The following LARP1B variants were observed in gnomAD, a reference collection of about 807,000 sequenced individuals.
LARP1B encodes the protein la-related protein 1B.
In LARP1B, 76 loss-of-function variants were observed where a neutral mutation model predicts 114.2. The observed-to-expected ratio is 0.67, with a 90% CI of 0.55 to 0.81. The LOEUF is 0.81. Ranked by LOEUF, LARP1B falls within the 30% of genes least tolerant of loss-of-function variation. The pLI is 0.00. For missense variants in LARP1B, 1,014 were observed against 1,075.8 expected (o/e 0.94, Z 0.80); for synonymous variants, 345 against 348.0 (o/e 0.99, Z 0.10).
chr4:128,108,665 T>C (rs1782918348), intron 9 of LARP1B: 1 of 984,468 alleles, frequency 1.0e-6, no homozygotes, highest in Non-Finnish European at 1.2e-6. Context: ...GTTTTTAATT[T>C]ATTTTTTGTT....
chr4:128,216,821 A>T (rs1759521909), downstream of LARP1B, among the ~76,000 whole-genome samples: 1 of 152,228 alleles, frequency 6.6e-6, no homozygotes, highest in Non-Finnish European at 1.5e-5. Flanking sequence ...AAATAGAGAC[A>T]CAAAAAACCC....
chr4:128,213,696 G>A (rs1021611333), downstream of LARP1B, among the ~76,000 whole-genome samples: 2 of 152,094 alleles, frequency 1.3e-5, no homozygotes, highest in African/African-American at 4.8e-5. Flanking sequence ...TATCAAAAAA[G>A]GCAATGCTAA....
rs11311661 is a variant in LARP1B at position 128,095,489 on chromosome 4, CAAAAAAAAAAAA to C, written c.669-2686_669-2675del. The stretch of plus-strand genomic sequence containing the variant: ...GGGCAATAAGAGTGAAACTCCATCT[CAAAAAAAAAAAA>C]AAAAAAAAAAGTAAATGATTTACTA... On this transcript the variant is annotated intron_variant, in intron 7 of 19. Transcript: ENST00000326639. Among the ~76,000 whole-genome samples, 4 of 61,298 alleles carry C rather than the reference CAAAAAAAAAAAA, an allele frequency of 6.5e-5. No homozygotes were observed. The East Asian group carries it at 1.6e-3, about 24-fold the overall frequency. 40.2% of individuals were successfully genotyped at this position (61,298 alleles called of 152,430 possible).
intron 8 of LARP1B, among the ~76,000 whole-genome samples, chr4:128,101,478 TTACTG>T (rs1420569978): frequency 1.8e-4 from 27 of 152,164 alleles, no homozygotes; most frequent in African/African-American, 6.5e-4. Flanking sequence ...ATGAAAATAA[TTACTG>T]TAAGCAATGT....
At chr4:128,176,481 A>G (rs1272052815) in intron 12 of LARP1B, among the ~76,000 whole-genome samples, 1 of 151,438 alleles carries the variant, frequency 6.6e-6, no homozygotes, top group Non-Finnish European at 1.5e-5. Flanking sequence ...TTTAGTAGAG[A>G]TGGGGTTTCA....
At chr4:128,113,781 CT>C (rs1156610852) in intron 9 of LARP1B, among the ~76,000 whole-genome samples, 1,863 of 114,250 alleles carry the variant, frequency 0.016, 14 homozygotes, top group East Asian at 0.092. Context: ...GACATTTACT[CT>C]TTTTTTTTTT....
chr4:128,184,857 G>T (rs1749762304), intron 15 of LARP1B, among the ~76,000 whole-genome samples: 1 of 151,974 alleles, frequency 6.6e-6, no homozygotes, highest in Admixed American at 6.6e-5. Context: ...TCTGTGCCTG[G>T]CTTATTTCAT....
chr4:128,069,312 G>C, intron 1 of LARP1B: 1 of 833,612 alleles, frequency 1.2e-6, no homozygotes, highest in Non-Finnish European at 2.1e-6. Flanking sequence ...GTGGCATCCA[G>C]CTTGCCGCTT....
chr4:128,204,620 A>G (rs1365947546), intron 17 of LARP1B, among the ~76,000 whole-genome samples: 2 of 151,594 alleles, frequency 1.3e-5, no homozygotes, highest in South Asian at 2.1e-4. Flanking sequence ...GCACCACTAC[A>G]CTCCATCCTG....
rs1331671327 is a variant in LARP1B at position 128,206,738 on chromosome 4, C to T, written c.2419+201C>T. On this transcript the variant is annotated intron_variant, in intron 18 of 19. Coordinates refer to ENST00000326639, the MANE Select transcript of LARP1B (RefSeq NM_018078.4). ...TGGGAGGTGTTGGAAAGTAACTACTCTCAAGTCTTTCTTTTATGGAGGTAT... is the reference window on the plus strand; with the variant it reads ...TGGGAGGTGTTGGAAAGTAACTACTTTCAAGTCTTTCTTTTATGGAGGTAT... The T allele has an allele frequency of 3.0e-6, 3 of 985,170 alleles. No individual in the cohort carries two copies. The Admixed American group carries it at 1.8e-4, about 61-fold the overall frequency. 61.0% of individuals were successfully genotyped at this position (985,170 alleles called of 1,614,324 possible).
chr4:128,155,700 A>G, intron 11 of LARP1B: 1 of 1,606,866 alleles, frequency 6.2e-7, no homozygotes, highest in Non-Finnish European at 8.5e-7. Flanking sequence ...GCCCGGAGGA[A>G]GAGGAGCGCC....
chr4:128,197,659 A>T (rs1233138754), intron 15 of LARP1B, among the ~76,000 whole-genome samples: 6 of 152,044 alleles, frequency 3.9e-5, no homozygotes, highest in Middle Eastern at 6.8e-3. Flanking sequence ...GCGCCACTGC[A>T]CTCCAGCCTG....
At chr4:128,143,575 T>G (rs1440201182) in intron 11 of LARP1B, among the ~76,000 whole-genome samples, 1 of 152,128 alleles carries the variant, frequency 6.6e-6, no homozygotes, top group East Asian at 1.9e-4. Context: ...CTATCATAAT[T>G]GACCACTGAA....
intron 1 of LARP1B, among the ~76,000 whole-genome samples, chr4:128,065,311 TTCTTTCTCTCTC>T (rs1283380010): frequency 7.8e-4 from 69 of 88,390 alleles, no homozygotes; most frequent in African/African-American, 2.3e-3. Flanking sequence ...CTTTCTTTCT[TTCTTTCTCTCTC>T]TCTCTCTCTT....
chr4:128,127,307 T>C (rs1789972768), intron 11 of LARP1B, among the ~76,000 whole-genome samples: 1 of 152,182 alleles, frequency 6.6e-6, no homozygotes, highest in African/African-American at 2.4e-5. Context: ...GAATATTAAC[T>C]GTATAAAGCA....
chr4:128,092,828 C>T (rs1776361176), intron 7 of LARP1B: 1 of 985,414 alleles, frequency 1.0e-6, no homozygotes, highest in Non-Finnish European at 1.2e-6. Flanking sequence ...AAGTGCTTGA[C>T]ATGTGGCTGT....
intron 8 of LARP1B, among the ~76,000 whole-genome samples, chr4:128,098,766 TA>T (rs1244542537): frequency 4.8e-5 from 2 of 41,550 alleles, no homozygotes; most frequent in African/African-American, 1.8e-4. Context: ...TATATATATA[TA>T]TTTTTTTTTT....
At chr4:128,132,494 C>A (rs565283327) in intron 11 of LARP1B, among the ~76,000 whole-genome samples, 1 of 152,072 alleles carries the variant, frequency 6.6e-6, no homozygotes. Context: ...GATCTGCCTG[C>A]ATCAGTCTCC....
At chr4:128,136,021 G>A (rs947987531) in intron 11 of LARP1B, among the ~76,000 whole-genome samples, 7 of 151,862 alleles carry the variant, frequency 4.6e-5, no homozygotes, top group African/African-American at 7.3e-5. Flanking sequence ...GGCCAGGTGC[G>A]GTGGCTCAGA....
Sources: gnomAD v4.1 joint callset for allele counts (sites outside exome capture counted in the v4.1 genomes callset) on GRCh38, gnomAD v4.1.1 for gene constraint, MANE v1.5 for transcripts, NCBI Gene and HGNC (gene_info 2026-07-23, HGNC 2026-07-21) for gene names.